Variants in SWAP70 observed in about 807,000 individuals in gnomAD.
SWAP70 encodes switch-associated protein 70.
SWAP70 carries 34 observed loss-of-function variants against 80.2 expected under a neutral mutation model. The ratio of observed to expected loss-of-function variants is 0.42; its 90% CI spans 0.32 to 0.56. The LOEUF (loss-of-function observed/expected upper bound fraction) is 0.56, where lower values mean the gene tolerates loss of function less well. Among genes scored for constraint, SWAP70 ranks in the 20% least tolerant of loss-of-function variants. The pLI, the probability that SWAP70 is intolerant of heterozygous loss-of-function variation, is 0.09. For synonymous variants in SWAP70, 239 were observed against 238.5 expected (o/e 1.00, Z -0.02); for missense variants, 578 against 690.7 (o/e 0.84, Z 1.83).
intron 2 of SWAP70, among the ~76,000 whole-genome samples, chr11:9,699,866 GTATATA>G (rs113413903): frequency 0.11 from 16,370 of 144,104 alleles, 1,801 homozygotes; most frequent in African/African-American, 0.29. Flanking sequence ...TGTATAGTGT[GTATATA>G]TATATATATA....
At chr11:9,715,799 G>A (rs546188192) in intron 3 of SWAP70, among the ~76,000 whole-genome samples, 2 of 152,340 alleles carry the variant, frequency 1.3e-5, no homozygotes, top group South Asian at 2.1e-4. Flanking sequence ...AATTCAAGGT[G>A]AGATTTGGGT....
rs769415370 is a variant in SWAP70, at chr11:9,728,124, A to C, written c.714A>C (p.Ile238=). The C allele has an allele frequency of 3.1e-6, 5 of 1,612,968 alleles. No individual in the cohort carries two copies. The highest frequency in any genetic ancestry group is 4.2e-6 in the Non-Finnish European group (5 of 1,179,660). ...TERWFVLKPN[I]ISYYVSEDLK... Reference sequence around the variant, plus strand: ...GATGGTTTGTACTAAAACCCAACATAATTTCTTACTATGTGAGTGAGGATC... The same window carrying C: ...GATGGTTTGTACTAAAACCCAACATCATTTCTTACTATGTGAGTGAGGATC... The change falls in exon 5 of 12, where the codon ATA becomes ATC. Residue 238 remains isoleucine (I), a synonymous_variant. Coordinates refer to ENST00000318950, the MANE Select transcript of SWAP70 (RefSeq NM_015055.4).
At chr11:9,681,932 T>A (rs749696700) in intron 1 of SWAP70, among the ~76,000 whole-genome samples, 2 of 151,926 alleles carry the variant, frequency 1.3e-5, no homozygotes, top group Non-Finnish European at 2.9e-5. Context: ...GAGAGAGGAG[T>A]TGGGGAGTAA....
intron 1 of SWAP70, among the ~76,000 whole-genome samples, chr11:9,687,278 A>G (rs1456137763): frequency 6.6e-6 from 1 of 152,232 alleles, no homozygotes; most frequent in South Asian, 2.1e-4. Flanking sequence ...GTAGAGAAAC[A>G]GTAAGAAAAG....
chr11:9,737,762 G>T (rs1389564852), intron 7 of SWAP70, among the ~76,000 whole-genome samples: 1 of 152,220 alleles, frequency 6.6e-6, no homozygotes, highest in Non-Finnish European at 1.5e-5. Context: ...TGGATGTGGT[G>T]GTGTGTGCCT....
rs1438604763 is a variant in SWAP70, at chr11:9,693,715, TG to T, written c.100-429del. On this transcript the variant is annotated intron_variant, in intron 1 of 11. Coordinates refer to ENST00000318950, the MANE Select transcript of SWAP70 (RefSeq NM_015055.4). The stretch of plus-strand genomic sequence containing the variant: ...GGTCAGCCTCCTTGTCCAGAACCCC[TG>T]GCTGCAGCCTCCCAATAATACCAGG... Among the ~76,000 whole-genome samples, 160 of 152,320 alleles carry T rather than the reference TG, an allele frequency of 1.1e-3. 3 individuals are homozygous for T. The highest frequency in any genetic ancestry group is 1.0e-4 in the Non-Finnish European group (7 of 68,022).
At chr11:9,729,217 C>A in intron 5 of SWAP70, 126 bp from the exon 6 acceptor site, 2 of 666,216 alleles carry the variant, frequency 3.0e-6, no homozygotes, top group Admixed American at 2.8e-5. Context: ...ATTAGTAAAT[C>A]AGTAATATGA....
chr11:9,740,808 T>C (rs138120735), intron 9 of SWAP70: 196 of 168,208 alleles, frequency 1.2e-3, no homozygotes, highest in African/African-American at 4.2e-3. Flanking sequence ...ATTGGTAACA[T>C]TCCTTCAGTA....
intron 6 of SWAP70, among the ~76,000 whole-genome samples, chr11:9,730,752 C>T (rs1482807795): frequency 6.6e-6 from 1 of 152,196 alleles, no homozygotes. Flanking sequence ...GGAACACAAA[C>T]TTTTGAATTA....
rs1851582877 is a variant in SWAP70, at chr11:9,751,016, T to C, written c.*1046T>C. The C allele has an allele frequency of 1.3e-5, 2 of 152,246 alleles. No homozygotes were observed. Among genetic ancestry groups the C allele is most frequent in the African/African-American group, 4.8e-5 (2 of 41,464 alleles). The allele number at this position is 152,246 out of a possible 1,614,324, so 9.4% of individuals were successfully genotyped here. ...GTACTCTCTCTAGTGAATGATGTGCTACCAAGTATATGCCAGGCTGTGAGA... is the reference window on the plus strand; with the variant it reads ...GTACTCTCTCTAGTGAATGATGTGCCACCAAGTATATGCCAGGCTGTGAGA... On this transcript the variant is annotated 3_prime_UTR_variant, in exon 12 of 12. Transcript: ENST00000318950.
intron 1 of SWAP70, among the ~76,000 whole-genome samples, chr11:9,688,627 T>A (rs12577241): frequency 0.11 from 16,500 of 152,146 alleles, 1,732 homozygotes; most frequent in African/African-American, 0.27. Flanking sequence ...TTCTGTAGTC[T>A]TCTGATGATT....
rs57590750 is a variant in SWAP70 at position 9,672,195 on chromosome 11, CTATATATA to C, written c.99+7943_99+7950del. ...TATATATATACATATATGTGTGTGT[CTATATATA>C]TATATATATATATATATATATATAT... On this transcript the variant is annotated intron_variant, in intron 1 of 11. Coordinates refer to ENST00000318950, the MANE Select transcript of SWAP70 (RefSeq NM_015055.4). Among the ~76,000 whole-genome samples, 130 of 78,418 alleles carry C rather than the reference CTATATATA, an allele frequency of 1.7e-3. 4 individuals carry two copies. The highest frequency in any genetic ancestry group is 9.7e-3 in the East Asian group (29 of 2,984). 51.4% of individuals were successfully genotyped at this position (78,418 alleles called of 152,430 possible).
chr11:9,667,741 A>G (rs1850326677), intron 1 of SWAP70, among the ~76,000 whole-genome samples: 1 of 152,002 alleles, frequency 6.6e-6, no homozygotes. Flanking sequence ...GTTTGTACTT[A>G]TGTAGAGATG....
At position 9,728,145 on chromosome 11, in the gene SWAP70, G is replaced by A. The variant is rs1006621527; in HGVS notation, c.735G>A (p.Glu245=). Residue 245 remains glutamate, a synonymous_variant, in exon 5 of 12, where the codon GAG becomes GAA. Coordinates refer to ENST00000318950, the MANE Select transcript of SWAP70 (RefSeq NM_015055.4). Reference sequence around the variant, plus strand: ...ACATAATTTCTTACTATGTGAGTGAGGATCTGAAGGATAAGAAAGGAGACA... The same window carrying A: ...ACATAATTTCTTACTATGTGAGTGAAGATCTGAAGGATAAGAAAGGAGACA... ...KPNIISYYVS[E]DLKDKKGDIL... 6.2e-7 allele frequency: 1 copy of A among 1,612,920 alleles called. No individual in the cohort carries two copies. The highest frequency in any genetic ancestry group is 8.5e-7 in the Non-Finnish European group (1 of 1,179,630).
At chr11:9,694,005 C>A in intron 1 of SWAP70, 141 bp from the exon 2 acceptor site, 1 of 1,015,002 alleles carries the variant, frequency 9.9e-7, no homozygotes, top group Non-Finnish European at 1.3e-6. Context: ...GGGCTTGCAG[C>A]TGAGCAGTCC....
At chr11:9,666,237 C>T (rs1416362839) in intron 1 of SWAP70, among the ~76,000 whole-genome samples, 1 of 151,842 alleles carries the variant, frequency 6.6e-6, no homozygotes, top group African/African-American at 2.4e-5. Context: ...AGGTGTGCGT[C>T]ACCACACCTA....
intron 1 of SWAP70, among the ~76,000 whole-genome samples, chr11:9,678,188 A>G (rs139394090): frequency 9.2e-5 from 14 of 152,302 alleles, no homozygotes; most frequent in Middle Eastern, 3.4e-3. Context: ...AAAAGGTTCT[A>G]TTGAGGAACA....
chr11:9,706,461 T>G (rs1483256108), intron 2 of SWAP70, among the ~76,000 whole-genome samples: 1 of 152,206 alleles, frequency 6.6e-6, no homozygotes, highest in East Asian at 1.9e-4. Context: ...GTAGGATATA[T>G]GAAAATTATA....
At chr11:9,743,120 G>T (rs1274203188) in intron 9 of SWAP70, among the ~76,000 whole-genome samples, 11 of 139,924 alleles carry the variant, frequency 7.9e-5, no homozygotes, top group Non-Finnish European at 1.5e-4. Flanking sequence ...TCATTGTTCA[G>T]TTCCCACCTA....
Sources: gnomAD v4.1 joint callset for allele counts (sites outside exome capture counted in the v4.1 genomes callset) on GRCh38, gnomAD v4.1.1 for gene constraint, MANE v1.5 for transcripts, NCBI Gene and HGNC (gene_info 2026-07-23, HGNC 2026-07-21) for gene names.